FAM151B: variants seen among roughly 807,000 people sequenced by gnomAD.
FAM151B encodes the protein family with sequence similarity 151 member B.
In FAM151B, 24 loss-of-function variants were observed where a neutral mutation model predicts 31.2. That is an observed-to-expected ratio of 0.77 (90% confidence interval 0.56 to 1.08). FAM151B has a LOEUF of 1.08. FAM151B is among the 50% of genes least tolerant of loss of function. FAM151B has a pLI of 0.00. For synonymous variants in FAM151B, 105 were observed against 111.4 expected (o/e 0.94, Z 0.36); for missense variants, 293 against 328.6 (o/e 0.89, Z 0.84).
rs1032652873 is a variant in FAM151B at position 80,542,422 on chromosome 5, T to C, written c.*590T>C. The C allele has an allele frequency of 1.3e-5, 2 of 152,164 alleles. No individual in the cohort carries two copies. Among genetic ancestry groups the C allele is most frequent in the African/African-American group, 4.8e-5 (2 of 41,406 alleles). 9.4% of individuals were successfully genotyped at this position (152,164 alleles called of 1,614,324 possible). Reference sequence around the variant, plus strand: ...TAAGTGTTTTTTTTATATTTCTTATTTCTATAGTATCTGATTTATAGTGGA... The same window carrying C: ...TAAGTGTTTTTTTTATATTTCTTATCTCTATAGTATCTGATTTATAGTGGA... On this transcript the variant is annotated 3_prime_UTR_variant, in exon 6 of 6. Coordinates refer to ENST00000282226, the MANE Select transcript of FAM151B (RefSeq NM_205548.3).
At chr5:80,523,794 T>C (rs996720272) in intron 5 of FAM151B, among the ~76,000 whole-genome samples, 3 of 152,146 alleles carry the variant, frequency 2.0e-5, no homozygotes, top group African/African-American at 7.2e-5. Flanking sequence ...GAATTGAGCT[T>C]AGAGTAGTTT....
At chr5:80,534,612 G>T (rs1033062377) in intron 5 of FAM151B, among the ~76,000 whole-genome samples, 5 of 152,160 alleles carry the variant, frequency 3.3e-5, no homozygotes, top group African/African-American at 1.2e-4. Flanking sequence ...ATGCCTCAAC[G>T]TAATAAAAGC....
chr5:80,510,259 C>A (rs1288223348), intron 2 of FAM151B, among the ~76,000 whole-genome samples: 2 of 152,174 alleles, frequency 1.3e-5, no homozygotes, highest in African/African-American at 4.8e-5. Flanking sequence ...CCTGGAAATT[C>A]TAAAATGACC....
At chr5:80,536,699 A>G (rs577836088) in intron 5 of FAM151B, among the ~76,000 whole-genome samples, 21 of 152,326 alleles carry the variant, frequency 1.4e-4, no homozygotes, top group African/African-American at 4.6e-4. Flanking sequence ...CTTACACACA[A>G]TGGAATATAT....
chr5:80,541,640 T>C, intron 5 of FAM151B, 33 bp from the exon 6 acceptor site: 2 of 1,603,672 alleles, frequency 1.2e-6, no homozygotes, highest in Non-Finnish European at 1.7e-6. Flanking sequence ...TCTTCCACTT[T>C]TAACTGTATA....
intron 1 of FAM151B, among the ~76,000 whole-genome samples, chr5:80,496,799 A>ATTT (rs367658683): frequency 6.9e-5 from 4 of 57,738 alleles, no homozygotes; most frequent in African/African-American, 1.8e-4. Flanking sequence ...TTTTTGCTTA[A>ATTT]TTTTTTTTTT....
rs112880360 is a variant in FAM151B at position 80,519,556 on chromosome 5, G to A, written c.318-137G>A. On this transcript the variant is annotated intron_variant, in intron 3 of 5. Transcript: ENST00000282226. Reference sequence around the variant, plus strand: ...TTAGCTTTTCCCTCTGGTGCTATGCGATCTTTGATTTTATTTAACCCAGAC... The same window carrying A: ...TTAGCTTTTCCCTCTGGTGCTATGCAATCTTTGATTTTATTTAACCCAGAC... 1,433 of 703,870 alleles carry A rather than the reference G, an allele frequency of 2.0e-3. 19 individuals are homozygous for A. In the African/African-American group the frequency reaches 0.023, roughly 11 times the overall value. 43.6% of individuals were successfully genotyped at this position (703,870 alleles called of 1,614,324 possible).
At chr5:80,527,721 G>T (rs527620560) in intron 5 of FAM151B, among the ~76,000 whole-genome samples, 2 of 152,246 alleles carry the variant, frequency 1.3e-5, no homozygotes, top group African/African-American at 4.8e-5. Flanking sequence ...GAGCTTGCAG[G>T]ACTGGAAGTG....
intron 5 of FAM151B, among the ~76,000 whole-genome samples, chr5:80,530,742 C>T (rs906047139): frequency 1.3e-5 from 2 of 152,118 alleles, no homozygotes; most frequent in Admixed American, 1.3e-4. Flanking sequence ...AAAGAGGACA[C>T]AAACAAATGG....
chr5:80,489,965 T>G (rs546079022), intron 1 of FAM151B, among the ~76,000 whole-genome samples: 122 of 151,614 alleles, frequency 8.0e-4, no homozygotes, highest in Non-Finnish European at 1.4e-3. Flanking sequence ...TACCGAGTTA[T>G]TGATAAAACT....
At chr5:80,509,076 C>T (rs773550094) in intron 2 of FAM151B, among the ~76,000 whole-genome samples, 2 of 152,172 alleles carry the variant, frequency 1.3e-5, no homozygotes, top group Admixed American at 6.5e-5. Flanking sequence ...TAGGCTTAAG[C>T]GATTCTCCCT....
At chr5:80,541,366 G>A (rs1054670407) in intron 5 of FAM151B, among the ~76,000 whole-genome samples, 1 of 152,102 alleles carries the variant, frequency 6.6e-6, no homozygotes, top group Non-Finnish European at 1.5e-5. Context: ...TAGTCTCTTC[G>A]ATTCCTTTTT....
intron 3 of FAM151B, among the ~76,000 whole-genome samples, chr5:80,517,275 G>A (rs752709128): frequency 5.9e-5 from 9 of 152,124 alleles, no homozygotes; most frequent in Non-Finnish European, 1.0e-4. Flanking sequence ...ATCAGAGATA[G>A]GTATGTGTAG....
At chr5:80,501,146 TG>T (rs1743724965) in intron 1 of FAM151B, 1 of 364,280 alleles carries the variant, frequency 2.7e-6, no homozygotes, top group South Asian at 2.9e-5. Context: ...CTGGAGTAAC[TG>T]GGATTACAGG....
intron 3 of FAM151B, among the ~76,000 whole-genome samples, chr5:80,516,420 TTA>T (rs1744445568): frequency 2.0e-5 from 3 of 152,354 alleles, no homozygotes; most frequent in African/African-American, 7.2e-5. Flanking sequence ...CAATGCAATT[TTA>T]TATAGTTTGT....
chr5:80,506,015 C>A lies in FAM151B; in HGVS notation c.151+4098C>A, dbSNP rs141387457. On this transcript the variant is annotated intron_variant, in intron 2 of 5. Transcript: ENST00000282226. The stretch of plus-strand genomic sequence containing the variant: ...TCATGATCCGCCTGCCTTGGCCTCG[C>A]GAAGTGCTGGGATTACAGGTGTGAG... 1.2e-4 allele frequency: 114 copies of A among 950,502 alleles called. No individual in the cohort carries two copies. In the African/African-American group the frequency reaches 1.6e-3, roughly 13 times the overall value. The allele number at this position is 950,502 out of a possible 1,614,324, so 58.9% of individuals were successfully genotyped here.
intron 5 of FAM151B, among the ~76,000 whole-genome samples, chr5:80,526,614 C>T (rs560490192): frequency 6.6e-6 from 1 of 151,764 alleles, no homozygotes; most frequent in Non-Finnish European, 1.5e-5. Flanking sequence ...AACAAGATTC[C>T]GTCTAAAAAA....
At chr5:80,501,141 G>A (rs951868405) in intron 1 of FAM151B, 12 of 364,324 alleles carry the variant, frequency 3.3e-5, no homozygotes, top group Non-Finnish European at 5.1e-5. Flanking sequence ...AGCCTCTGGA[G>A]TAACTGGGAT....
chr5:80,525,009 A>C (rs1744897032), intron 5 of FAM151B, among the ~76,000 whole-genome samples: 1 of 152,194 alleles, frequency 6.6e-6, no homozygotes, highest in Non-Finnish European at 1.5e-5. Flanking sequence ...AGAGCATTAG[A>C]AGCCTGTACT....
Sources: allele counts gnomAD v4.1 joint callset (sites outside exome capture counted in the v4.1 genomes callset), GRCh38; gene constraint gnomAD v4.1.1; transcripts MANE v1.5; gene names NCBI Gene and HGNC (gene_info 2026-07-23, HGNC 2026-07-21).